The following DSCAM variants were observed in gnomAD, a reference collection of about 807,000 sequenced individuals.
The protein encoded by DSCAM is DS cell adhesion molecule.
In DSCAM, 47 loss-of-function variants were observed where a neutral mutation model predicts 217.7. The observed-to-expected ratio is 0.22, with a 90% CI of 0.17 to 0.28. The LOEUF (loss-of-function observed/expected upper bound fraction) is 0.28, where lower values mean the gene tolerates loss of function less well. Ranked by LOEUF, DSCAM falls within the 10% of genes least tolerant of loss-of-function variation. The pLI is 1.00. For missense variants in DSCAM, 2,080 were observed against 2,618.3 expected (o/e 0.79, Z 4.49); for synonymous variants, 1,056 against 1,015.3 (o/e 1.04, Z -0.76).
In DSCAM at chr21:40,824,166, C is replaced by T. The variant is rs73362356; in HGVS notation, c.43+22453G>A. On this transcript the variant is annotated intron_variant, in intron 1 of 32. Coordinates refer to ENST00000400454, the MANE Select transcript of DSCAM (RefSeq NM_001389.5). Reference sequence around the variant, plus strand: ...CCCACCTAGGTCAGTACCCAGCCGCCATCACTGTCCTAGTGGCAGATCATC... The same window carrying T: ...CCCACCTAGGTCAGTACCCAGCCGCTATCACTGTCCTAGTGGCAGATCATC... 7.7e-3 allele frequency among the ~76,000 whole-genome samples: 1,174 copies of T among 152,192 alleles called. 10 individuals are homozygous for T. The highest frequency in any genetic ancestry group is 0.027 in the African/African-American group (1,112 of 41,526).
intron 10 of DSCAM, among the ~76,000 whole-genome samples, chr21:40,281,665 A>G (rs372895300): frequency 7.2e-5 from 11 of 152,316 alleles, no homozygotes; most frequent in African/African-American, 2.4e-4. Flanking sequence ...AAACTTTTAA[A>G]TCTGCATCAA....
At chr21:40,529,805 A>G (rs1188785439) in intron 3 of DSCAM, among the ~76,000 whole-genome samples, 1 of 152,144 alleles carries the variant, frequency 6.6e-6, no homozygotes, top group Non-Finnish European at 1.5e-5. Flanking sequence ...ACTCTTGGCT[A>G]TCTATCCCTC....
chr21:40,609,080 G>A (rs1207024398), intron 3 of DSCAM, among the ~76,000 whole-genome samples: 1 of 152,070 alleles, frequency 6.6e-6, no homozygotes, highest in East Asian at 1.9e-4. Context: ...TCAGGCCCCT[G>A]CATAGCTTGG....
At chr21:40,759,456 G>C (rs548837188) in intron 1 of DSCAM, among the ~76,000 whole-genome samples, 1 of 152,252 alleles carries the variant, frequency 6.6e-6, no homozygotes, top group Non-Finnish European at 1.5e-5. Context: ...GATCTTTAAA[G>C]TGCACGTGAC....
chr21:40,182,361 GGTGT>G (rs1237913009), intron 14 of DSCAM, among the ~76,000 whole-genome samples: 2 of 152,008 alleles, frequency 1.3e-5, no homozygotes, highest in African/African-American at 2.4e-5. Flanking sequence ...GAGGGGTTGG[GGTGT>G]GCACCTTCTG....
chr21:40,681,681 T>G (rs1488769123), intron 3 of DSCAM, among the ~76,000 whole-genome samples: 4 of 152,182 alleles, frequency 2.6e-5, no homozygotes, highest in African/African-American at 9.7e-5. Context: ...TGACCTTATT[T>G]GGAAACAGGG....
chr21:40,382,815 T>C (rs535286578), intron 3 of DSCAM, among the ~76,000 whole-genome samples: 15 of 152,200 alleles, frequency 9.9e-5, no homozygotes, highest in South Asian at 2.1e-4. Context: ...ACAAACTCCA[T>C]TGCCTTGCAA....
chr21:40,767,888 T>TCTCTCTCTCTC (rs67078823), intron 1 of DSCAM, among the ~76,000 whole-genome samples: 4 of 150,970 alleles, frequency 2.6e-5, no homozygotes, highest in African/African-American at 9.7e-5. Flanking sequence ...TTTTCTCTCT[T>TCTCTCTCTCTC]TCTCTCTCTC....
At chr21:40,271,843 T>G (rs530578679) in intron 11 of DSCAM, among the ~76,000 whole-genome samples, 1 of 152,306 alleles carries the variant, frequency 6.6e-6, no homozygotes, top group East Asian at 1.9e-4. Flanking sequence ...CTCTCCATTT[T>G]GTCTGTGGTA....
chr21:40,378,419 T>C (rs2074984565), intron 3 of DSCAM, among the ~76,000 whole-genome samples: 1 of 152,182 alleles, frequency 6.6e-6, no homozygotes, highest in African/African-American at 2.4e-5. Context: ...CTTGCCAGTA[T>C]ATTTCAAGTG....
rs561900627 is a variant in DSCAM at position 40,758,730 on chromosome 21, C to G, written c.44-49959G>C. ...GGGGCAGCTTGGTTTCTTGGGGAAG[C>G]TGGGGGCTAACCTGGCTCCTAAAAG... On this transcript the variant is annotated intron_variant, in intron 1 of 32. Coordinates refer to ENST00000400454, the MANE Select transcript of DSCAM (RefSeq NM_001389.5). 4.6e-5 allele frequency among the ~76,000 whole-genome samples: 7 copies of G among 152,094 alleles called. No homozygotes were observed. The South Asian group carries it at 1.5e-3, about 32-fold the overall frequency.
chr21:40,525,453 T>C (rs1220950464), intron 3 of DSCAM, among the ~76,000 whole-genome samples: 3 of 152,216 alleles, frequency 2.0e-5, no homozygotes, highest in African/African-American at 4.8e-5. Context: ...GGGTTCATCA[T>C]ACAAAGTGGG....
intron 19 of DSCAM, among the ~76,000 whole-genome samples, chr21:40,133,288 C>T (rs2090172744): frequency 6.6e-6 from 1 of 152,236 alleles, no homozygotes; most frequent in Admixed American, 6.5e-5. Context: ...TAAGGAACAG[C>T]AAGAATTATT....
intron 11 of DSCAM, among the ~76,000 whole-genome samples, chr21:40,269,454 A>G (rs1466140675): frequency 6.6e-6 from 1 of 152,196 alleles, no homozygotes; most frequent in Non-Finnish European, 1.5e-5. Context: ...CTGCTTAGGC[A>G]GGGGATCTGG....
At chr21:40,432,261 A>T (rs534390205) in intron 3 of DSCAM, among the ~76,000 whole-genome samples, 8 of 123,968 alleles carry the variant, frequency 6.5e-5, no homozygotes, top group African/African-American at 1.9e-4. Context: ...CTGATAGTCA[A>T]AAGGCTAAAA....
intron 1 of DSCAM, among the ~76,000 whole-genome samples, chr21:40,835,858 G>T (rs2092051839): frequency 6.6e-6 from 1 of 152,114 alleles, no homozygotes; most frequent in Admixed American, 6.5e-5. Context: ...GGTTTAAAAT[G>T]CACATATGCC....
chr21:40,231,864 C>A (rs1038179440), intron 11 of DSCAM, among the ~76,000 whole-genome samples: 1 of 152,130 alleles, frequency 6.6e-6, no homozygotes, highest in Non-Finnish European at 1.5e-5. Context: ...TGTGTCAGAG[C>A]TGAAATTAAA....
intron 32 of DSCAM, among the ~76,000 whole-genome samples, chr21:40,033,679 C>G (rs1192268052): frequency 6.6e-6 from 1 of 151,818 alleles, no homozygotes; most frequent in African/African-American, 2.4e-5. Flanking sequence ...CACCACAGCT[C>G]AAGGAGGCCT....
intron 11 of DSCAM, among the ~76,000 whole-genome samples, chr21:40,270,575 G>T (rs2073601996): frequency 6.6e-6 from 1 of 152,192 alleles, no homozygotes; most frequent in Non-Finnish European, 1.5e-5. Context: ...ATTCAGAAAT[G>T]ATGATTGATA....
Sources: allele counts gnomAD v4.1 joint callset (sites outside exome capture counted in the v4.1 genomes callset), GRCh38; gene constraint gnomAD v4.1.1; transcripts MANE v1.5; gene names NCBI Gene and HGNC (gene_info 2026-07-23, HGNC 2026-07-21).